CDC14A: variants seen among roughly 807,000 people sequenced by gnomAD.
The protein encoded by CDC14A is cell division cycle 14A.
In CDC14A, 53 loss-of-function variants were observed where a neutral mutation model predicts 74.4. The observed-to-expected ratio is 0.71, with a 90% CI of 0.57 to 0.89. The LOEUF (loss-of-function observed/expected upper bound fraction) is 0.89, where lower values mean the gene tolerates loss of function less well. Ranked by LOEUF, CDC14A falls within the 40% of genes least tolerant of loss-of-function variation. CDC14A has a pLI of 0.00. For missense variants in CDC14A, 646 were observed against 713.7 expected (o/e 0.91, Z 1.08); for synonymous variants, 247 against 258.4 (o/e 0.96, Z 0.43).
chr1:100,385,265 T>G (rs928084009), intron 3 of CDC14A, among the ~76,000 whole-genome samples: 3 of 152,154 alleles, frequency 2.0e-5, no homozygotes, highest in Non-Finnish European at 4.4e-5. Flanking sequence ...CTTAGAGTAG[T>G]GGATTTCAAT....
At chr1:100,352,025 G>C (rs991913624), upstream of CDC14A, among the ~76,000 whole-genome samples, 3 of 147,594 alleles carry the variant, frequency 2.0e-5, no homozygotes, top group African/African-American at 7.4e-5. Context: ...CGCCCTACAA[G>C]AGTTTAGAAG....
Position 100,420,866 on chromosome 1 carries a change from T to G in CDC14A, c.310-3356T>G, listed in dbSNP as rs78473416. ...CTCATAGCTGTTGATAATATATATG[T>G]TAAGATACTGGCTCTTTAAGAAGCT... On this transcript the variant is annotated intron_variant, in intron 4 of 15. Transcript: ENST00000336454. 1.3e-3 allele frequency among the ~76,000 whole-genome samples: 196 copies of G among 152,248 alleles called. 3 individuals carry two copies. In the East Asian group the frequency reaches 0.027, roughly 21 times the overall value.
At position 100,407,996 on chromosome 1, in the gene CDC14A, A is replaced by G. The variant is rs138694805; in HGVS notation, c.310-16226A>G. Among the ~76,000 whole-genome samples the G allele has an allele frequency of 5.7e-4, 87 of 152,130 alleles. 1 individual carries two copies. Among genetic ancestry groups the G allele is most frequent in the African/African-American group, 2.0e-3 (85 of 41,496 alleles). ...AATTTGTGTCATAGGGGTATGTTGT[A>G]CAGAATATTTAGTCACCCAGGTACT... On this transcript the variant is annotated intron_variant, in intron 4 of 15. Transcript: ENST00000336454.
intron 12 of CDC14A, 111 bp from the exon 13 acceptor site, chr1:100,495,891 C>T: frequency 1.1e-6 from 1 of 871,636 alleles, no homozygotes; most frequent in East Asian, 2.5e-5. Context: ...AGGTTTCTCC[C>T]TTTTGCTAAT....
intron 2 of CDC14A, among the ~76,000 whole-genome samples, chr1:100,374,447 C>A (rs911951656): frequency 2.4e-4 from 36 of 152,194 alleles, no homozygotes; most frequent in African/African-American, 8.7e-4. Context: ...TCCTGTTTCT[C>A]TACATCCTCT....
chr1:100,388,591 A>AT (rs1163155816), intron 3 of CDC14A, among the ~76,000 whole-genome samples: 4 of 151,906 alleles, frequency 2.6e-5, no homozygotes, highest in Non-Finnish European at 2.9e-5. Flanking sequence ...TCAAATACTA[A>AT]TTTTTTTTGT....
At chr1:100,483,509 TTAATTC>T (rs1239333097) in intron 10 of CDC14A, among the ~76,000 whole-genome samples, 1 of 152,204 alleles carries the variant, frequency 6.6e-6, no homozygotes, top group African/African-American at 2.4e-5. Flanking sequence ...TGTTTTTAGT[TTAATTC>T]TATTCTGTAC....
At chr1:100,438,926 T>C (rs1171251116) in intron 5 of CDC14A, among the ~76,000 whole-genome samples, 1 of 152,196 alleles carries the variant, frequency 6.6e-6, no homozygotes, top group Non-Finnish European at 1.5e-5. Context: ...TCTAGATAGG[T>C]GTCTGCCTGC....
intron 15 of CDC14A, among the ~76,000 whole-genome samples, chr1:100,502,290 C>T (rs922334997): frequency 6.6e-6 from 1 of 152,276 alleles, no homozygotes; most frequent in Non-Finnish European, 1.5e-5. Context: ...GGTAAGTGCC[C>T]TTTACAGGTG....
chr1:100,464,634 T>C (rs1667621233), intron 9 of CDC14A, among the ~76,000 whole-genome samples: 1 of 152,236 alleles, frequency 6.6e-6, no homozygotes, highest in South Asian at 2.1e-4. Flanking sequence ...AATTTGGCCT[T>C]ATTTCTTAGT....
rs181336608 is a variant in CDC14A, at chr1:100,437,916, A to G, written c.390-2016A>G. On this transcript the variant is annotated intron_variant, in intron 5 of 15. Transcript: ENST00000336454. ...ATAAAGAAATTTTTACCCCCTTTTA[A>G]AAAACGTAAAGCAGTAGTTTTTAAT... is the stretch of plus-strand genomic sequence containing the variant. Among the ~76,000 whole-genome samples the G allele has an allele frequency of 2.6e-5, 4 of 152,162 alleles. No homozygotes were observed. The East Asian group carries it at 7.7e-4, about 29-fold the overall frequency.
intron 4 of CDC14A, among the ~76,000 whole-genome samples, chr1:100,413,297 C>G (rs1217461838): frequency 6.6e-6 from 1 of 152,114 alleles, no homozygotes; most frequent in Non-Finnish European, 1.5e-5. Flanking sequence ...TGTTAGTTTT[C>G]TATTCTTCAG....
At chr1:100,405,848 A>G (rs1381216365) in intron 4 of CDC14A, among the ~76,000 whole-genome samples, 5 of 152,226 alleles carry the variant, frequency 3.3e-5, no homozygotes, top group Non-Finnish European at 7.3e-5. Context: ...ATACACGTGC[A>G]TGCATCTTTG....
Position 100,499,100 on chromosome 1 carries a change from C to G in CDC14A, c.1593C>G (p.Leu531=), listed in dbSNP as rs758158645. The change falls in exon 15 of 16, where the codon CTC becomes CTG. Residue 531 remains leucine (L), a synonymous_variant. Transcript: ENST00000336454. Reference sequence around the variant, plus strand: ...CAACTACCAGAAATTACCCTGAGCTCAACAATAATCAGTACAACAGAAGCA... The same window carrying G: ...CAACTACCAGAAATTACCCTGAGCTGAACAATAATCAGTACAACAGAAGCA... ...SQPTTRNYPE[L]NNNQYNRSSN... is the part of the protein sequence containing the mutation. 6.2e-7 allele frequency: 1 copy of G among 1,614,004 alleles called. No homozygotes were observed. Among genetic ancestry groups the G allele is most frequent in the African/African-American group, 1.3e-5 (1 of 74,916 alleles).
At chr1:100,515,077 G>A (rs1557843203) in intron 15 of CDC14A, among the ~76,000 whole-genome samples, 1 of 152,106 alleles carries the variant, frequency 6.6e-6, no homozygotes, top group Non-Finnish European at 1.5e-5. Flanking sequence ...GCTTTGTTAC[G>A]ATGTGTATTA....
chr1:100,439,905 T>TA (rs1664740114), intron 5 of CDC14A, 27 bp from the exon 6 acceptor site: 2 of 1,545,040 alleles, frequency 1.3e-6, no homozygotes, highest in Non-Finnish European at 1.8e-6. Flanking sequence ...TGCAAGTTTT[T>TA]AATGTTGAGT....
intron 7 of CDC14A, among the ~76,000 whole-genome samples, chr1:100,447,081 T>C (rs1198584660): frequency 6.6e-6 from 1 of 152,084 alleles, no homozygotes; most frequent in African/African-American, 2.4e-5. Flanking sequence ...GTAGCTAGAG[T>C]ATGGATTCTG....
At chr1:100,347,614 C>CT (rs965265694), upstream of CDC14A, among the ~76,000 whole-genome samples, 1 of 152,080 alleles carries the variant, frequency 6.6e-6, no homozygotes, top group African/African-American at 2.4e-5. Context: ...ACTGTAATAA[C>CT]TTTTTTATTA....
In CDC14A at chr1:100,411,451, TC is replaced by T. The variant is rs1660702837; in HGVS notation, c.310-12769del. 3.3e-5 allele frequency among the ~76,000 whole-genome samples: 5 copies of T among 152,296 alleles called. No homozygotes were observed. In the South Asian group the frequency reaches 1.0e-3, roughly 32 times the overall value. ...TCTTCAGACAAGAATGAAAGGAATC[TC>T]CTATTGGTTTGTTTTTCCTTCCTTT... On this transcript the variant is annotated intron_variant, in intron 4 of 15. Transcript: ENST00000336454.
Sources: allele counts gnomAD v4.1 joint callset (sites outside exome capture counted in the v4.1 genomes callset), GRCh38; gene constraint gnomAD v4.1.1; transcripts MANE v1.5; gene names NCBI Gene and HGNC (gene_info 2026-07-23, HGNC 2026-07-21).